ADGRA3: variants seen among roughly 807,000 people sequenced by gnomAD.
ADGRA3 encodes the protein adhesion G protein-coupled receptor A3.
A neutral mutation model predicts 119.8 loss-of-function variants in ADGRA3; 56 were observed. That is an observed-to-expected ratio of 0.47 (90% confidence interval 0.38 to 0.58). The LOEUF is 0.58. Ranked by LOEUF, ADGRA3 falls within the 20% of genes least tolerant of loss-of-function variation. The pLI, the probability that ADGRA3 is intolerant of heterozygous loss-of-function variation, is 0.00. For synonymous variants in ADGRA3, 607 were observed against 623.8 expected, an observed-to-expected ratio of 0.97 and a Z score of 0.40; for missense variants, 1,516 against 1,649.0, an observed-to-expected ratio of 0.92 and a Z score of 1.40.
intron 14 of ADGRA3, among the ~76,000 whole-genome samples, chr4:22,410,093 T>G (rs1200280150): frequency 6.6e-6 from 1 of 152,148 alleles, no homozygotes; most frequent in African/African-American, 2.4e-5. Flanking sequence ...AAGATGGTAT[T>G]CAGCATGTTT....
In ADGRA3 at chr4:22,388,781, C is replaced by G; in HGVS notation, c.2890G>C (p.Ala964Pro). The G allele has an allele frequency of 6.2e-7, 1 of 1,614,068 alleles. No individual in the cohort carries two copies. The highest frequency in any genetic ancestry group is 8.5e-7 in the Non-Finnish European group (1 of 1,179,968). Residue 964 changes from alanine to proline, a missense_variant, in exon 19 of 19, where the codon GCC (alanine) becomes CCC (proline). Ala to Pro is a conservative substitution (Grantham distance 27). Around this residue, in one of 2 missense-constraint regions of ADGRA3, gnomAD observed 1,088 missense variants for 1,107.1 expected, o/e 0.98. Coordinates refer to ENST00000334304, the MANE Select transcript of ADGRA3 (RefSeq NM_145290.4). The part of the protein sequence containing the change: ...EPTEEQQRLA[A>P]NENGEINHQD... ...TGATTTATTTCGCCATTTTCATTGG[C>G]TGCCAATCTCTGTTGCTCCTCCGTG...
chr4:22,442,361 ATTAGGT>A, intron 7 of ADGRA3, among the ~76,000 whole-genome samples: 1 of 152,272 alleles, frequency 6.6e-6, no homozygotes, highest in South Asian at 2.1e-4. Flanking sequence ...ATAGTTGGAA[ATTAGGT>A]TTAGCACTAA....
At chr4:22,398,990 A>G (rs1163631813) in intron 16 of ADGRA3, among the ~76,000 whole-genome samples, 1 of 152,192 alleles carries the variant, frequency 6.6e-6, no homozygotes, top group East Asian at 1.9e-4. Flanking sequence ...CCCACCAACT[A>G]TGTAAAAGGA....
chr4:22,509,635 C>T (rs934694266), intron 1 of ADGRA3, among the ~76,000 whole-genome samples: 2 of 152,140 alleles, frequency 1.3e-5, no homozygotes, highest in Non-Finnish European at 2.9e-5. Flanking sequence ...TGGCAACCTT[C>T]AATTAACCCT....
rs113502426 is a variant in ADGRA3 at position 22,480,817 on chromosome 4, T to A, written c.258-6974A>T. ...GAAATACCAGAAAGATGCAGTGTTGTAGGACTCAGGGAGAGGAAGCACTTT... is the reference window on the plus strand; with the variant it reads ...GAAATACCAGAAAGATGCAGTGTTGAAGGACTCAGGGAGAGGAAGCACTTT... On this transcript the variant is annotated intron_variant, in intron 1 of 18. Coordinates refer to ENST00000334304, the MANE Select transcript of ADGRA3 (RefSeq NM_145290.4). Among the ~76,000 whole-genome samples, 714 of 152,288 alleles carry A rather than the reference T, an allele frequency of 4.7e-3. 4 individuals are homozygous for A. Among genetic ancestry groups the A allele is most frequent in the South Asian group, 0.02 (96 of 4,820 alleles).
chr4:22,402,916 T>C (rs1714732238), intron 14 of ADGRA3, 117 bp from the exon 15 acceptor site: 1 of 952,776 alleles, frequency 1.0e-6, no homozygotes, highest in Non-Finnish European at 1.6e-6. Flanking sequence ...TTATGTCTCT[T>C]TATTTTATTC....
In ADGRA3 at chr4:22,436,658, A is replaced by T; in HGVS notation, c.1086-17T>A. The T allele has an allele frequency of 6.2e-7, 1 of 1,606,462 alleles. No individual in the cohort carries two copies. Among genetic ancestry groups the T allele is most frequent in the South Asian group, 1.1e-5 (1 of 90,846 alleles). On this transcript the variant is annotated splice_polypyrimidine_tract_variant and intron_variant, in intron 8 of 18. Coordinates refer to ENST00000334304, the MANE Select transcript of ADGRA3 (RefSeq NM_145290.4). ...CTGGGCCATCTAGAGATGAAGACAAAATAGTACAAGAAAATCTAAATGACA... is the reference window on the plus strand; with the variant it reads ...CTGGGCCATCTAGAGATGAAGACAATATAGTACAAGAAAATCTAAATGACA...
chr4:22,433,766 G>C (rs981998661), intron 10 of ADGRA3, among the ~76,000 whole-genome samples: 3 of 152,108 alleles, frequency 2.0e-5, no homozygotes, highest in African/African-American at 4.8e-5. Context: ...CTAATCCTGT[G>C]GGCACCAACC....
intron 6 of ADGRA3, 25 bp from the exon 7 acceptor site, chr4:22,442,888 A>C (rs1050066879): frequency 1.3e-6 from 2 of 1,521,044 alleles, no homozygotes; most frequent in Non-Finnish European, 1.8e-6. Context: ...ACAAAGATTC[A>C]GTAAACAAAT....
chr4:22,515,316 T>C, intron 1 of ADGRA3: 1 of 462,752 alleles, frequency 2.2e-6, no homozygotes, highest in Non-Finnish European at 3.5e-6. Context: ...CTTTGCAAAC[T>C]AGTGGAGCTG....
chr4:22,500,143 G>A (rs375107877), intron 1 of ADGRA3, among the ~76,000 whole-genome samples: 6 of 151,918 alleles, frequency 3.9e-5, no homozygotes, highest in South Asian at 2.1e-4. Context: ...GTCAGTCATC[G>A]CTGAAGGAAT....
intron 17 of ADGRA3, among the ~76,000 whole-genome samples, chr4:22,390,363 ACGTATT>A (rs1714074175): frequency 6.4e-5 from 1 of 15,570 alleles, no homozygotes; most frequent in African/African-American, 1.1e-4. Context: ...TATATATAAT[ACGTATT>A]ATATATATAT....
At position 22,388,216 on chromosome 4, in the gene ADGRA3, T is replaced by C; in HGVS notation, c.3455A>G (p.Lys1152Arg). The change falls in exon 19 of 19, where the codon AAA becomes AGA. Residue 1152 changes from lysine (K) to arginine (R), a missense_variant. Around this residue, in one of 2 missense-constraint regions of ADGRA3, gnomAD observed 1,088 missense variants for 1,107.1 expected, o/e 0.98. Transcript: ENST00000334304. ...LTEHSMDNDIKMHVAPLEVQF... is the reference protein window; with the variant it reads ...LTEHSMDNDIRMHVAPLEVQF... ...AACTTCTAAAGGCGCCACGTGCATTTTAATATCATTGTCCATTGAATGTTC... is the reference window on the plus strand; with the variant it reads ...AACTTCTAAAGGCGCCACGTGCATTCTAATATCATTGTCCATTGAATGTTC... 6.2e-7 allele frequency: 1 copy of C among 1,614,134 alleles called. No individual in the cohort carries two copies. Among genetic ancestry groups the C allele is most frequent in the Non-Finnish European group, 8.5e-7 (1 of 1,179,986 alleles).
intron 4 of ADGRA3, among the ~76,000 whole-genome samples, chr4:22,454,348 G>C (rs1486220233): frequency 6.6e-6 from 1 of 152,062 alleles, no homozygotes; most frequent in Non-Finnish European, 1.5e-5. Context: ...GTTCAGAAAA[G>C]TCAAACAATT....
At chr4:22,390,152 C>T (rs764185591) in intron 17 of ADGRA3, among the ~76,000 whole-genome samples, 6 of 151,702 alleles carry the variant, frequency 4.0e-5, no homozygotes, top group Non-Finnish European at 7.4e-5. Context: ...TAATTCACAT[C>T]TGCTTCTTAC....
At chr4:22,425,072 TAA>T (rs756972669) in intron 10 of ADGRA3, among the ~76,000 whole-genome samples, 13 of 128,816 alleles carry the variant, frequency 1.0e-4, no homozygotes, top group Admixed American at 1.6e-4. Context: ...GAGACACTCT[TAA>T]AAAAAAAAAA....
intron 14 of ADGRA3, among the ~76,000 whole-genome samples, chr4:22,411,431 T>A (rs1715193572): frequency 6.6e-6 from 1 of 151,974 alleles, no homozygotes; most frequent in Non-Finnish European, 1.5e-5. Context: ...AAACCCAGTC[T>A]CTACTAAAAA....
chr4:22,431,260 G>T (rs1716158222), intron 10 of ADGRA3, among the ~76,000 whole-genome samples: 1 of 150,560 alleles, frequency 6.6e-6, no homozygotes, highest in African/African-American at 2.4e-5. Flanking sequence ...CTTGCACTGT[G>T]TGCCTGGAAA....
intron 16 of ADGRA3, among the ~76,000 whole-genome samples, chr4:22,397,755 T>C (rs1714426389): frequency 6.6e-6 from 1 of 152,088 alleles, no homozygotes; most frequent in South Asian, 2.1e-4. Context: ...GCACATGCGC[T>C]CTCTTGCCTG....
Sources: gnomAD v4.1 joint callset for allele counts (sites outside exome capture counted in the v4.1 genomes callset) on GRCh38, gnomAD v4.1.1 for gene constraint, gnomAD v4.1.1 regional missense constraint, MANE v1.5 for transcripts, NCBI Gene and HGNC (gene_info 2026-07-23, HGNC 2026-07-21) for gene names.